The following LEO1 variants were observed in gnomAD, a reference collection of about 807,000 sequenced individuals.
LEO1 encodes the protein LEO1 component of Paf1/RNA polymerase II complex.
LEO1 carries 34 observed loss-of-function variants against 80.4 expected under a neutral mutation model. The observed-to-expected ratio is 0.42, with a 90% CI of 0.32 to 0.56. The LOEUF is 0.56. LEO1 is among the 20% of genes least tolerant of loss of function. The pLI is 0.10. For synonymous variants in LEO1, 262 were observed against 274.9 expected (o/e 0.95, Z 0.46); for missense variants, 631 against 814.2 (o/e 0.77, Z 2.74).
At chr15:51,958,626 C>G in intron 6 of LEO1, 116 bp downstream of exon 6, 1 of 657,992 alleles carries the variant, frequency 1.5e-6, no homozygotes, top group South Asian at 1.8e-5. Context: ...CAAAAGAACA[C>G]AGCCATATAG....
intron 6 of LEO1, among the ~76,000 whole-genome samples, chr15:51,958,294 G>GGA (rs2057004837): frequency 7.1e-6 from 1 of 140,868 alleles, no homozygotes; most frequent in African/African-American, 2.6e-5. Flanking sequence ...CATATCTACA[G>GGA]AAAAAAAAAA....
intron 10 of LEO1, among the ~76,000 whole-genome samples, chr15:51,949,581 T>C (rs1232865209): frequency 1.3e-5 from 2 of 151,222 alleles, no homozygotes; most frequent in Admixed American, 1.3e-4. Context: ...ACACCTGTAA[T>C]CCCAGCTACT....
chr15:51,945,241 AC>A (rs1310679420), intron 11 of LEO1, among the ~76,000 whole-genome samples: 4 of 135,392 alleles, frequency 3.0e-5, no homozygotes, highest in Admixed American at 7.7e-5. Flanking sequence ...ACATGCTGAA[AC>A]CCCATCTCTA....
chr15:51,959,072 G>A (rs554517018), intron 5 of LEO1, among the ~76,000 whole-genome samples: 43 of 149,910 alleles, frequency 2.9e-4, no homozygotes, highest in Admixed American at 1.2e-3. Flanking sequence ...GCACGATCTC[G>A]GCTCACCACA....
chr15:51,953,118 A>G lies in LEO1; in HGVS notation c.1475+11T>C, dbSNP rs780446371. The G allele has an allele frequency of 5.6e-6, 9 of 1,602,806 alleles. No homozygotes were observed. Among genetic ancestry groups the G allele is most frequent in the Non-Finnish European group, 7.7e-6 (9 of 1,172,762 alleles). On this transcript the variant is annotated intron_variant, in intron 8 of 11. Transcript: ENST00000299601. ...CCATAAGAAATAATACATAATAATA[A>G]TAACAGTTACCTGAAGGTGAGTTTC...
In LEO1 at chr15:51,951,901, A is replaced by G. The variant is rs536922134; in HGVS notation, c.1554T>C (p.Ile518=). 43 of 1,613,802 alleles carry G rather than the reference A, an allele frequency of 2.7e-5. No homozygotes were observed. In the South Asian group the frequency reaches 4.4e-4, roughly 16 times the overall value. The change falls in exon 9 of 12, where the codon ATT becomes ATC. Residue 518 remains isoleucine, a synonymous_variant. Coordinates refer to ENST00000299601, the MANE Select transcript of LEO1 (RefSeq NM_138792.4). The part of the protein sequence containing the change: ...LADRCSKTQK[I]RILPMAGRDP... ...CACGACCAGCCATTGGCAAGATTCT[A>G]ATCTTCTGTGTCTTTGAACACCTAT...
At chr15:51,947,506 C>G (rs1392147097) in intron 10 of LEO1, 117 bp from the exon 11 acceptor site, 3 of 689,556 alleles carry the variant, frequency 4.4e-6, no homozygotes, top group Non-Finnish European at 7.5e-6. Context: ...GCCTTGACCT[C>G]CTGGGCTTAG....
intron 3 of LEO1, among the ~76,000 whole-genome samples, chr15:51,961,987 C>T (rs1014647916): frequency 2.6e-5 from 4 of 151,714 alleles, no homozygotes; most frequent in African/African-American, 7.3e-5. Context: ...CATAGTGAAA[C>T]CCCACCTCTA....
At chr15:51,957,118 C>T (rs930240259) in intron 6 of LEO1, among the ~76,000 whole-genome samples, 7 of 152,106 alleles carry the variant, frequency 4.6e-5, no homozygotes, top group Admixed American at 2.0e-4. Context: ...GCACCATGCC[C>T]GGCCTTTGAA....
At chr15:51,951,092 A>G (rs1321553288) in intron 9 of LEO1, among the ~76,000 whole-genome samples, 2 of 152,260 alleles carry the variant, frequency 1.3e-5, no homozygotes, top group Non-Finnish European at 2.9e-5. Flanking sequence ...GAGCCTGACC[A>G]TAAGATTTGT....
At chr15:51,938,385 G>C (rs547773830) in intron 11 of LEO1, 125 bp from the exon 12 acceptor site, 1 of 614,576 alleles carries the variant, frequency 1.6e-6, no homozygotes, top group South Asian at 2.0e-5. Flanking sequence ...TGCAGGTTGT[G>C]AGGGAGATTG....
chr15:51,949,118 A>G (rs752683253), intron 10 of LEO1, among the ~76,000 whole-genome samples: 3 of 152,230 alleles, frequency 2.0e-5, no homozygotes, highest in Non-Finnish European at 4.4e-5. Flanking sequence ...AACGTTAACC[A>G]TCAGAAATCA....
chr15:51,939,745 G>A (rs1037336599), intron 11 of LEO1, among the ~76,000 whole-genome samples: 7 of 152,232 alleles, frequency 4.6e-5, no homozygotes, highest in African/African-American at 9.6e-5. Context: ...GAGCCTTGGT[G>A]TGTTTGTCTT....
At chr15:51,945,625 C>T (rs997755392) in intron 11 of LEO1, among the ~76,000 whole-genome samples, 6 of 152,188 alleles carry the variant, frequency 3.9e-5, no homozygotes, top group Admixed American at 3.3e-4. Context: ...TTTTCACCAT[C>T]TGTTATACCA....
At chr15:51,966,581 TA>T in intron 1 of LEO1, 77 bp from the exon 2 acceptor site, 1 of 820,906 alleles carries the variant, frequency 1.2e-6, no homozygotes, top group Non-Finnish European at 2.0e-6. Flanking sequence ...CATCCCAACA[TA>T]AAAGCAATGA....
chr15:51,957,814 A>G (rs1490241130), intron 6 of LEO1, among the ~76,000 whole-genome samples: 1 of 152,174 alleles, frequency 6.6e-6, no homozygotes, highest in African/African-American at 2.4e-5. Flanking sequence ...TGAGGTCAGG[A>G]GTTCGAGACC....
At position 51,949,811 on chromosome 15, in the gene LEO1, G is replaced by A; in HGVS notation, c.1795C>T (p.Arg599Ter). The A allele has an allele frequency of 1.2e-6, 2 of 1,612,270 alleles. No homozygotes were observed. The highest frequency in any genetic ancestry group is 1.7e-6 in the Non-Finnish European group (2 of 1,179,424). ...AIKNRYKGGI[R>*]EERARIYSSD... ...GTAATTTCCATACACGACTCACCTC[G>A]AATGCCCCCTTTATATCGGTTTTTA... Residue 599 changes from arginine to a stop codon, truncating the protein, a stop_gained, in exon 10 of 12, where the codon CGA becomes TGA. Coordinates refer to ENST00000299601, the MANE Select transcript of LEO1 (RefSeq NM_138792.4). LOFTEE classifies it high-confidence loss of function.
chr15:51,962,384 G>A lies in LEO1; in HGVS notation c.919+5C>T. ...ATATACATATATATATAATAATAGG[G>A]ATACCTTTTGGCACCTCAGTGTCAC... On this transcript the variant is annotated splice_donor_5th_base_variant and intron_variant, in intron 3 of 11. Transcript: ENST00000299601. The A allele has an allele frequency of 1.9e-6, 3 of 1,561,300 alleles. No homozygotes were observed. The highest frequency in any genetic ancestry group is 2.2e-5 in the East Asian group (1 of 44,606).
intron 3 of LEO1, among the ~76,000 whole-genome samples, chr15:51,961,247 G>C (rs1254506401): frequency 6.6e-6 from 1 of 152,088 alleles, no homozygotes; most frequent in Non-Finnish European, 1.5e-5. Context: ...GCTGGGCTTG[G>C]TGACAGGTGC....
Sources: allele counts gnomAD v4.1 joint callset (sites outside exome capture counted in the v4.1 genomes callset), GRCh38; gene constraint gnomAD v4.1.1; transcripts MANE v1.5; gene names NCBI Gene and HGNC (gene_info 2026-07-23, HGNC 2026-07-21).